Variants in MESP1 observed in about 807,000 individuals in gnomAD.
MESP1 encodes mesoderm posterior bHLH transcription factor 1.
Under a neutral mutation model 15.2 loss-of-function variants are expected in MESP1, and 22 were observed. The observed-to-expected ratio is 1.45, with a 90% confidence interval of 1.04 to 2.07. The LOEUF (loss-of-function observed/expected upper bound fraction) is 2.07. Among genes scored for constraint, MESP1 ranks in the 30% most tolerant of loss-of-function variants. The probability of loss-of-function intolerance (pLI) is 0.00; values close to 1 mark genes in which losing one functional copy is unlikely to be tolerated. For synonymous variants in MESP1, 216 were observed against 192.6 expected (o/e 1.12, Z -1.01); for missense variants, 484 against 411.9 (o/e 1.17, Z -1.51).
chr15:89,733,992 A>AAT, the MESP1 span, among the ~76,000 whole-genome samples: 22 of 149,666 alleles, frequency 1.5e-4, no homozygotes, highest in Middle Eastern at 3.4e-3. Flanking sequence ...GAACCTGTAT[A>AAT]ATGTGTGTGT....
At chr15:89,733,016 T>C in the MESP1 span, 3 of 1,614,132 alleles carry the variant, frequency 1.9e-6, no homozygotes, top group African/African-American at 4.0e-5. Context: ...GATTCCCTCT[T>C]GGGGTCGCTG....
In MESP1 at chr15:89,750,578, G is replaced by C; in HGVS notation, c.654C>G (p.Asp218Glu). 1 of 1,422,302 alleles carries C rather than the reference G, an allele frequency of 7.0e-7. No individual in the cohort carries two copies. The highest frequency in any genetic ancestry group is 9.1e-7 in the Non-Finnish European group (1 of 1,097,600). The allele number at this position is 1,422,302 out of a possible 1,614,324, so 88.1% of individuals were successfully genotyped here. ...PGARAAPEPR[D>E]PPALFAEAAC... ...CCGCCTCGGCGAACAGCGCAGGCGG[G>C]TCGCGCGGCTCGGGTGCAGCTCGGG... Residue 218 changes from aspartate to glutamate, a missense_variant, in exon 1 of 2, where the codon GAC (aspartate) becomes GAG (glutamate). Asp to Glu is a conservative substitution (Grantham distance 45, BLOSUM62 2). Coordinates refer to ENST00000300057, the MANE Select transcript of MESP1 (RefSeq NM_018670.4).
chr15:89,736,327 GC>G, the MESP1 span, among the ~76,000 whole-genome samples: 2 of 152,122 alleles, frequency 1.3e-5, no homozygotes, highest in East Asian at 3.9e-4. Flanking sequence ...TCCTGGTGTG[GC>G]CCTACGGAGG....
the MESP1 span, among the ~76,000 whole-genome samples, chr15:89,739,129 AAAAGT>A: frequency 1.3e-5 from 2 of 152,068 alleles, no homozygotes; most frequent in African/African-American, 4.8e-5. Context: ...AAAAAAAAAA[AAAAGT>A]ATGTTTGGAT....
chr15:89,743,644 A>C, the MESP1 span: 15 of 521,432 alleles, frequency 2.9e-5, no homozygotes, highest in East Asian at 5.1e-4. Context: ...CCAGACTCCC[A>C]AGTTGCTGTG....
the MESP1 span, chr15:89,732,933 G>A: frequency 2.1e-6 from 3 of 1,410,696 alleles, no homozygotes; most frequent in African/African-American, 1.4e-5. Flanking sequence ...ACACTTGCTG[G>A]TCACAGCCCC....
the MESP1 span, among the ~76,000 whole-genome samples, chr15:89,736,261 G>C: frequency 2.0e-5 from 3 of 152,186 alleles, no homozygotes; most frequent in African/African-American, 7.2e-5. Flanking sequence ...CGCTTGCAGA[G>C]GTGATTCCCC....
downstream of MESP1, among the ~76,000 whole-genome samples, chr15:89,747,960 T>G (rs1968003618): frequency 6.6e-6 from 1 of 152,122 alleles, no homozygotes; most frequent in Non-Finnish European, 1.5e-5. Flanking sequence ...GCTGGAGCAG[T>G]GGGAGATGTC....
At chr15:89,741,759 CT>C in the MESP1 span, among the ~76,000 whole-genome samples, 42 of 146,804 alleles carry the variant, frequency 2.9e-4, no homozygotes, top group Admixed American at 4.8e-4. Context: ...ATCTCCAATA[CT>C]TTTTTTTTTT....
At chr15:89,732,681 C>A in the MESP1 span, among the ~76,000 whole-genome samples, 2 of 152,042 alleles carry the variant, frequency 1.3e-5, no homozygotes, top group Admixed American at 6.6e-5. Flanking sequence ...CCTGCCCATA[C>A]GCCTTTGCAT....
the MESP1 span, among the ~76,000 whole-genome samples, chr15:89,744,771 C>G: frequency 3.3e-5 from 5 of 152,286 alleles, no homozygotes; most frequent in African/African-American, 1.2e-4. Context: ...GTGGCTGGAT[C>G]CAACCCCAGG....
the MESP1 span, chr15:89,735,344 T>C: frequency 7.5e-6 from 5 of 662,484 alleles, no homozygotes; most frequent in African/African-American, 7.2e-5. Context: ...ATATTTGGAT[T>C]GTTCTTAATT....
Position 89,750,973 on chromosome 15 carries a change from C to A in MESP1, c.259G>T (p.Ala87Ser), listed in dbSNP as rs1381802738. ...SRLGSGQRQSASEREKLRMRT... is the reference protein window; with the variant it reads ...SRLGSGQRQSSSEREKLRMRT... Reference sequence around the variant, plus strand: ...ATGCGCAGTTTCTCCCGCTCACTGGCGCTCTGCCTCTGCCCGCTGCCCAGG... The same window carrying A: ...ATGCGCAGTTTCTCCCGCTCACTGGAGCTCTGCCTCTGCCCGCTGCCCAGG... Residue 87 changes from alanine to serine, a missense_variant, in exon 1 of 2, where the codon GCC becomes TCC. Transcript: ENST00000300057. 3 of 1,433,280 alleles carry A rather than the reference C, an allele frequency of 2.1e-6. No homozygotes were observed. The highest frequency in any genetic ancestry group is 2.8e-5 in the Admixed American group (1 of 35,666). 88.8% of individuals were successfully genotyped at this position (1,433,280 alleles called of 1,614,324 possible).
At chr15:89,732,499 A>C in the MESP1 span, among the ~76,000 whole-genome samples, 1 of 152,200 alleles carries the variant, frequency 6.6e-6, no homozygotes, top group Admixed American at 6.5e-5. Flanking sequence ...AACCAACAGC[A>C]TTATTATAGA....
chr15:89,751,246 G>A lies in MESP1; in HGVS notation c.-15C>T. 3.2e-6 allele frequency: 4 copies of A among 1,233,456 alleles called. No homozygotes were observed. Among genetic ancestry groups the A allele is most frequent in the African/African-American group, 3.1e-5 (2 of 64,560 alleles). 76.4% of individuals were successfully genotyped at this position (1,233,456 alleles called of 1,614,324 possible). On this transcript the variant is annotated 5_prime_UTR_variant, in exon 1 of 2. The change creates a new upstream start codon in the 5' untranslated region. Transcript: ENST00000300057. ...GGCTGGGCCATGGCAGCGGCGGCGC[G>A]TCTGGGGGCCGGCGGCCGGCGGCCG...
At chr15:89,745,778 C>T (rs114816178), downstream of MESP1, among the ~76,000 whole-genome samples, 3,199 of 151,854 alleles carry the variant, frequency 0.021, 121 homozygotes, top group African/African-American at 0.074. This position sits in a 1 kb window ranked among gnomAD's most constrained non-coding sequence, Gnocchi z 4.8. Context: ...AAAAAAAGAA[C>T]CTTATGTCTT....
the MESP1 span, among the ~76,000 whole-genome samples, chr15:89,736,181 C>A: frequency 0.038 from 5,784 of 152,226 alleles, 401 homozygotes; most frequent in African/African-American, 0.13. Flanking sequence ...CTCAGTTCGG[C>A]GATGGACTCC....
chr15:89,737,087 G>A, the MESP1 span, among the ~76,000 whole-genome samples: 18 of 152,268 alleles, frequency 1.2e-4, no homozygotes, highest in East Asian at 3.9e-4. Context: ...CATCGCGCCC[G>A]GCCAAAGGGG....
rs934858546 is a variant in MESP1 at position 89,751,057 on chromosome 15, C to G, written c.175G>C (p.Gly59Arg). 4.7e-6 allele frequency: 6 copies of G among 1,279,866 alleles called. No homozygotes were observed. Among genetic ancestry groups the G allele is most frequent in the East Asian group, 6.2e-5 (2 of 32,484 alleles). 79.3% of individuals were successfully genotyped at this position (1,279,866 alleles called of 1,614,324 possible). The change falls in exon 1 of 2, where the codon GGC becomes CGC. Residue 59 changes from glycine to arginine, a missense_variant. Coordinates refer to ENST00000300057, the MANE Select transcript of MESP1 (RefSeq NM_018670.4). ...GGGGCGCGGGGGTCCCGGAGGGTGC[C>G]TGGCCGCGCGGGGCTCGCCACGGGG... Reference protein sequence around the residue: ...DSPVASPARPGTLRDPRAPSV... With the variant: ...DSPVASPARPRTLRDPRAPSV...
Sources: allele counts gnomAD v4.1 joint callset (sites outside exome capture counted in the v4.1 genomes callset), GRCh38; gene constraint gnomAD v4.1.1; non-coding constraint Gnocchi (gnomAD v3.1); transcripts MANE v1.5; gene names NCBI Gene and HGNC (gene_info 2026-07-23, HGNC 2026-07-21).